SCN11A: variants seen among roughly 807,000 people sequenced by gnomAD.
SCN11A encodes sodium voltage-gated channel alpha subunit 11.
A neutral mutation model predicts 162.2 loss-of-function variants in SCN11A; 122 were observed. That is an observed-to-expected ratio of 0.75 (90% confidence interval 0.65 to 0.87). The LOEUF (loss-of-function observed/expected upper bound fraction) is 0.87, where lower values mean the gene tolerates loss of function less well. Ranked by LOEUF, SCN11A falls within the 40% of genes least tolerant of loss-of-function variation. SCN11A has a pLI of 0.00. For missense variants in SCN11A, 2,015 were observed against 2,181.6 expected (o/e 0.92, Z 1.52); for synonymous variants, 758 against 751.5 (o/e 1.01, Z -0.14).
chr3:38,863,813 A>T (rs1340920972), intron 27 of SCN11A, among the ~76,000 whole-genome samples: 2 of 152,138 alleles, frequency 1.3e-5, no homozygotes, highest in Non-Finnish European at 2.9e-5. Flanking sequence ...ATGAACTAGG[A>T]TTCTCATATC....
chr3:38,910,219 A>G lies in SCN11A; in HGVS notation c.960-12T>C. 6.2e-7 allele frequency: 1 copy of G among 1,604,978 alleles called. No individual in the cohort carries two copies. The highest frequency in any genetic ancestry group is 8.5e-7 in the Non-Finnish European group (1 of 1,175,778). On this transcript the variant is annotated splice_polypyrimidine_tract_variant and intron_variant, in intron 11 of 29. Transcript: ENST00000302328. ...GTATGGAACAGGCACTAGATATTGG[A>G]AACAAACAGAGAAATAATTATGTAC... is the stretch of plus-strand genomic sequence containing the variant.
At chr3:39,004,959 C>T (rs563069522) in intron 2 of SCN11A, among the ~76,000 whole-genome samples, 20 of 152,282 alleles carry the variant, frequency 1.3e-4, no homozygotes, top group South Asian at 4.1e-4. Flanking sequence ...CCTTAAAATC[C>T]GAGCTCCCTG....
chr3:39,019,146 A>C (rs1193350705), intron 2 of SCN11A, among the ~76,000 whole-genome samples: 1 of 152,220 alleles, frequency 6.6e-6, no homozygotes, highest in Non-Finnish European at 1.5e-5. Context: ...GGAGGTCACA[A>C]GATATGCAAC....
At chr3:38,931,267 G>T (rs1031120204) in intron 7 of SCN11A, among the ~76,000 whole-genome samples, 14 of 152,282 alleles carry the variant, frequency 9.2e-5, no homozygotes, top group Admixed American at 7.8e-4. Context: ...CAGGTTCCAG[G>T]TTCCACCCAG....
intron 1 of SCN11A, among the ~76,000 whole-genome samples, chr3:39,038,634 C>T (rs1294916792): frequency 6.6e-6 from 1 of 152,206 alleles, no homozygotes. Context: ...TCATCAGTTA[C>T]CACATCCATC....
At chr3:38,883,023 C>T (rs868026910) in intron 22 of SCN11A, among the ~76,000 whole-genome samples, 12 of 152,100 alleles carry the variant, frequency 7.9e-5, no homozygotes, top group Middle Eastern at 3.2e-3. Context: ...GTTAGTCTTC[C>T]ACACAGATAA....
chr3:38,939,068 G>C (rs11129812), intron 7 of SCN11A, among the ~76,000 whole-genome samples: 41,254 of 151,816 alleles, frequency 0.27, 6,265 homozygotes, highest in African/African-American at 0.41. Flanking sequence ...AGTCACTTGG[G>C]AGGCTGAGAC....
intron 28 of SCN11A, among the ~76,000 whole-genome samples, chr3:38,855,651 C>T (rs2064856437): frequency 6.6e-6 from 1 of 152,162 alleles, no homozygotes; most frequent in African/African-American, 2.4e-5. Context: ...GCCCTGATCC[C>T]AGGAAGGAGA....
chr3:38,995,638 T>C (rs561506147), intron 2 of SCN11A, among the ~76,000 whole-genome samples: 20 of 152,242 alleles, frequency 1.3e-4, no homozygotes, highest in Admixed American at 1.0e-3. Flanking sequence ...ATTCTCCTGC[T>C]CTTGGACTAG....
At chr3:39,040,168 C>G (rs994907908) in intron 1 of SCN11A, among the ~76,000 whole-genome samples, 2 of 152,240 alleles carry the variant, frequency 1.3e-5, no homozygotes, top group African/African-American at 2.4e-5. Context: ...CAAAACTACA[C>G]TATAGCCTCC....
Position 38,896,961 on chromosome 3 carries a change from G to A in SCN11A, c.2287C>T (p.Arg763Cys), listed in dbSNP as rs537371340. The A allele has an allele frequency of 1.1e-5, 17 of 1,614,068 alleles. No homozygotes were observed. The highest frequency in any genetic ancestry group is 2.2e-5 in the South Asian group (2 of 91,074). Reference sequence around the variant, plus strand: ...TCGATCCATTCCCCGCAGAGGATGCGGAATACCACTAGGAAGGAGTGCCAG... The same window carrying A: ...TCGATCCATTCCCCGCAGAGGATGCAGAATACCACTAGGAAGGAGTGCCAG... ...DFWHSFLVVF[R>C]ILCGEWIENM... Residue 763 changes from arginine (R) to cysteine (C), a missense_variant, in exon 18 of 30, where the codon CGC (arginine) becomes TGC (cysteine). Coordinates refer to ENST00000302328, the MANE Select transcript of SCN11A (RefSeq NM_001349253.2).
intron 1 of SCN11A, among the ~76,000 whole-genome samples, chr3:39,047,044 AT>A (rs2032201071): frequency 1.2e-4 from 1 of 8,178 alleles, no homozygotes; most frequent in Non-Finnish European, 2.3e-4. Flanking sequence ...CCCCACCCCC[AT>A]CCCCCCACCC....
At chr3:39,026,231 G>A (rs533256154) in intron 2 of SCN11A, 51 of 152,264 alleles carry the variant, frequency 3.3e-4, no homozygotes, top group African/African-American at 1.2e-3. Context: ...TCATATACAA[G>A]GCAGATATTT....
intron 2 of SCN11A, among the ~76,000 whole-genome samples, chr3:39,007,115 C>T (rs975064357): frequency 6.6e-6 from 1 of 151,994 alleles, no homozygotes; most frequent in Non-Finnish European, 1.5e-5. Context: ...AGGAAATGCC[C>T]AGTACACTGG....
chr3:38,937,810 A>G (rs2066360918), intron 7 of SCN11A, among the ~76,000 whole-genome samples: 2 of 152,210 alleles, frequency 1.3e-5, no homozygotes, highest in Admixed American at 6.5e-5. Context: ...ACCCTTGGGG[A>G]AGTCAGTGTG....
chr3:38,954,199 G>A lies in SCN11A; in HGVS notation c.-138-440C>T, dbSNP rs183003999. ...ATAGGTCTGGATGATGGAATTCCCC[G>A]CACTATTTCAATTTCCCCCTCCTCA... is the stretch of plus-strand genomic sequence containing the variant. On this transcript the variant is annotated intron_variant, in intron 3 of 29. Transcript: ENST00000302328. 4.8e-3 allele frequency among the ~76,000 whole-genome samples: 735 copies of A among 152,210 alleles called. 2 individuals are homozygous for A. Among genetic ancestry groups the A allele is most frequent in the Middle Eastern group, 6.8e-3 (2 of 294 alleles).
intron 2 of SCN11A, among the ~76,000 whole-genome samples, chr3:39,008,765 C>G (rs1196065733): frequency 6.6e-6 from 1 of 151,964 alleles, no homozygotes; most frequent in Non-Finnish European, 1.5e-5. Flanking sequence ...TGCCTGTAGT[C>G]CCAGCTACTC....
At chr3:39,006,392 G>A (rs2030974767) in intron 2 of SCN11A, among the ~76,000 whole-genome samples, 1 of 152,114 alleles carries the variant, frequency 6.6e-6, no homozygotes, top group Non-Finnish European at 1.5e-5. Flanking sequence ...AGGATTCCTT[G>A]AAAATAGCCC....
chr3:39,032,542 C>A (rs1917420), intron 1 of SCN11A, among the ~76,000 whole-genome samples, 39 bp from the exon 2 acceptor site: 90 of 152,240 alleles, frequency 5.9e-4, no homozygotes, highest in African/African-American at 1.8e-3. Context: ...CAAGCTTTAT[C>A]ATTTCACAAG....
Sources: gnomAD v4.1 joint callset for allele counts (sites outside exome capture counted in the v4.1 genomes callset) on GRCh38, gnomAD v4.1.1 for gene constraint, MANE v1.5 for transcripts, NCBI Gene and HGNC (gene_info 2026-07-23, HGNC 2026-07-21) for gene names.